Variants in THSD7B observed in about 807,000 individuals in gnomAD.
THSD7B encodes thrombospondin type-1 domain-containing protein 7B.
In THSD7B, 138 loss-of-function variants were observed where a neutral mutation model predicts 213.6. The observed-to-expected ratio is 0.65, with a 90% CI of 0.56 to 0.74. The LOEUF (loss-of-function observed/expected upper bound fraction) is 0.74, where lower values mean the gene tolerates loss of function less well. THSD7B is among the 30% of genes least tolerant of loss of function. THSD7B has a pLI of 0.00. For synonymous variants in THSD7B, 742 were observed against 687.0 expected (o/e 1.08, Z -1.25); for missense variants, 1,931 against 1,991.5 (o/e 0.97, Z 0.58).
At chr2:137,376,149 G>A (rs1202158730) in intron 12 of THSD7B, among the ~76,000 whole-genome samples, 2 of 152,008 alleles carry the variant, frequency 1.3e-5, no homozygotes, top group Non-Finnish European at 2.9e-5. Context: ...TTCTAAATTC[G>A]GGTTTTACAT....
chr2:136,791,302 A>C (rs1485111569), intron 1 of THSD7B, among the ~76,000 whole-genome samples: 1 of 151,928 alleles, frequency 6.6e-6, no homozygotes, highest in Non-Finnish European at 1.5e-5. Flanking sequence ...CATCTCCACA[A>C]CCCGGTAATT....
At chr2:136,992,861 ATGTC>A (rs1176351987) in intron 2 of THSD7B, among the ~76,000 whole-genome samples, 1 of 152,192 alleles carries the variant, frequency 6.6e-6, no homozygotes, top group Non-Finnish European at 1.5e-5. Flanking sequence ...GTCATCCGCA[ATGTC>A]TGTTAAAACA....
chr2:137,540,049 T>A (rs542785730), intron 15 of THSD7B, among the ~76,000 whole-genome samples: 1 of 151,820 alleles, frequency 6.6e-6, no homozygotes, highest in South Asian at 2.1e-4. Context: ...ATGTCTTATC[T>A]AAAAATGAAG....
At chr2:137,348,288 G>T (rs894564571) in intron 12 of THSD7B, among the ~76,000 whole-genome samples, 1 of 151,706 alleles carries the variant, frequency 6.6e-6, no homozygotes, top group East Asian at 1.9e-4. Context: ...TAAGTAAAAA[G>T]CAATTGTTTG....
At chr2:137,100,171 G>A (rs1373035873) in intron 4 of THSD7B, among the ~76,000 whole-genome samples, 2 of 152,002 alleles carry the variant, frequency 1.3e-5, no homozygotes, top group African/African-American at 4.8e-5. Context: ...TTGAAGCCAG[G>A]GATAGTGCCA....
chr2:136,871,817 C>A (rs1683435928), intron 1 of THSD7B, among the ~76,000 whole-genome samples: 1 of 152,074 alleles, frequency 6.6e-6, no homozygotes, highest in African/African-American at 2.4e-5. Context: ...GTGTCAGAGC[C>A]CTCAGTGAGA....
chr2:137,261,562 C>T (rs1047400873), intron 10 of THSD7B, among the ~76,000 whole-genome samples: 3 of 152,054 alleles, frequency 2.0e-5, no homozygotes, highest in South Asian at 4.1e-4. Context: ...TCTAAAAAGT[C>T]GCATTATTTC....
chr2:137,205,433 C>A (rs1003519962), intron 7 of THSD7B, among the ~76,000 whole-genome samples: 1 of 151,982 alleles, frequency 6.6e-6, no homozygotes, highest in African/African-American at 2.4e-5. Flanking sequence ...TAAAGACACA[C>A]CATTTGCTGA....
chr2:137,254,042 A>C (rs1268695087), intron 10 of THSD7B, among the ~76,000 whole-genome samples: 1 of 152,206 alleles, frequency 6.6e-6, no homozygotes, highest in Admixed American at 6.5e-5. Flanking sequence ...TCAACAAGCT[A>C]CTTTATGCTT....
intron 12 of THSD7B, among the ~76,000 whole-genome samples, chr2:137,276,967 A>G (rs1682889372): frequency 6.6e-6 from 1 of 152,112 alleles, no homozygotes; most frequent in South Asian, 2.1e-4. Flanking sequence ...TGTAAATTAT[A>G]AGAATGAACC....
intron 15 of THSD7B, among the ~76,000 whole-genome samples, chr2:137,469,424 T>C (rs1197484473): frequency 6.6e-6 from 1 of 152,230 alleles, no homozygotes; most frequent in Admixed American, 6.5e-5. Flanking sequence ...CGGAAAAATC[T>C]TTCCTGACTT....
rs184029680 is a variant in THSD7B, at chr2:137,371,683, T to C, written c.2501-33930T>C. Among the ~76,000 whole-genome samples the C allele has an allele frequency of 2.0e-3, 301 of 152,284 alleles. 2 individuals are homozygous for C. The highest frequency in any genetic ancestry group is 0.014 in the Middle Eastern group (4 of 292). On this transcript the variant is annotated intron_variant, in intron 12 of 27. Transcript: ENST00000409968. ...TAGATATATTTTTCTAATTTTTTTC[T>C]CCTAGATTTCATCTATGTGTTCTTT...
At chr2:137,602,281 TA>T (rs1392135477) in intron 17 of THSD7B, among the ~76,000 whole-genome samples, 1 of 151,746 alleles carries the variant, frequency 6.6e-6, no homozygotes, top group African/African-American at 2.4e-5. Context: ...GTTTTTGTAT[TA>T]TTTTTTAAGA....
In THSD7B at chr2:137,057,706, C is replaced by T. The variant is rs375720539; in HGVS notation, c.950+476C>T. 7.9e-5 allele frequency among the ~76,000 whole-genome samples: 12 copies of T among 152,004 alleles called. No individual in the cohort carries two copies. In the East Asian group the frequency reaches 2.1e-3, roughly 27 times the overall value. On this transcript the variant is annotated intron_variant, in intron 3 of 27. Transcript: ENST00000409968. The stretch of plus-strand genomic sequence containing the variant: ...TTCCACTGTTATCAACATTCTTTGA[C>T]ATCTGTGTTGTACATTTTTTATACT...
chr2:137,557,942 C>T (rs144408324), intron 15 of THSD7B, among the ~76,000 whole-genome samples: 11,252 of 152,246 alleles, frequency 0.074, 457 homozygotes, highest in African/African-American at 0.09. Context: ...CACCTCTATG[C>T]AAATAAACTA....
At chr2:137,043,116 T>C (rs1686910991) in intron 2 of THSD7B, among the ~76,000 whole-genome samples, 1 of 152,250 alleles carries the variant, frequency 6.6e-6, no homozygotes, top group Admixed American at 6.5e-5. Context: ...TTTTCTTTAA[T>C]TATTATACAT....
chr2:137,569,632 C>T (rs939760311), intron 16 of THSD7B, among the ~76,000 whole-genome samples: 5 of 151,994 alleles, frequency 3.3e-5, no homozygotes, highest in Middle Eastern at 3.4e-3. Context: ...TTTCTTTGTT[C>T]TGTGTTGTAA....
chr2:137,237,113 C>CAAAAAAA (rs70978209), intron 9 of THSD7B, among the ~76,000 whole-genome samples: 1 of 109,588 alleles, frequency 9.1e-6, no homozygotes, highest in Non-Finnish European at 1.9e-5. Flanking sequence ...AACTCCGTCT[C>CAAAAAAA]AAAAAAAAAA....
intron 2 of THSD7B, among the ~76,000 whole-genome samples, chr2:136,925,007 A>G (rs1420023995): frequency 6.6e-6 from 1 of 152,186 alleles, no homozygotes; most frequent in Non-Finnish European, 1.5e-5. Flanking sequence ...TGAATTTTGC[A>G]TGTTGATTTT....
Sources: allele counts gnomAD v4.1 joint callset (sites outside exome capture counted in the v4.1 genomes callset), GRCh38; gene constraint gnomAD v4.1.1; transcripts MANE v1.5; gene names NCBI Gene and HGNC (gene_info 2026-07-23, HGNC 2026-07-21).